PPM1E: variants seen among roughly 807,000 people sequenced by gnomAD.
PPM1E encodes the protein protein phosphatase, Mg2+/Mn2+ dependent 1E, also known as protein phosphatase 1E.
Under a neutral mutation model 65.9 loss-of-function variants are expected in PPM1E, and 20 were observed. The observed-to-expected ratio is 0.30, with a 90% CI of 0.21 to 0.44. PPM1E has a LOEUF of 0.44. Among genes scored for constraint, PPM1E ranks in the 20% least tolerant of loss-of-function variants. The probability of loss-of-function intolerance (pLI) is 1.00; values close to 1 mark genes in which losing one functional copy is unlikely to be tolerated. For synonymous variants in PPM1E, 352 were observed against 374.9 expected (o/e 0.94, Z 0.70); for missense variants, 713 against 953.1 (o/e 0.75, Z 3.32).
intron 1 of PPM1E, among the ~76,000 whole-genome samples, chr17:58,868,567 G>GGTT (rs960359003): frequency 9.3e-6 from 1 of 107,634 alleles, no homozygotes; most frequent in Non-Finnish European, 2.1e-5. Context: ...AAATGTCCAG[G>GGTT]CTTTTTTTTT....
At position 58,829,231 on chromosome 17, in the gene PPM1E, G is replaced by A. The variant is rs181456703; in HGVS notation, c.464+72770G>A. 3.0e-3 allele frequency among the ~76,000 whole-genome samples: 454 copies of A among 151,318 alleles called. 2 individuals carry two copies. Among genetic ancestry groups the A allele is most frequent in the African/African-American group, 0.011 (435 of 41,246 alleles). On this transcript the variant is annotated intron_variant, in intron 1 of 6. Transcript: ENST00000308249. ...CTAATTTTGTATATTCAGTAGAGACGGGGTTTCTCCATGTTGGTCAGGCTG... is the reference window on the plus strand; with the variant it reads ...CTAATTTTGTATATTCAGTAGAGACAGGGTTTCTCCATGTTGGTCAGGCTG...
At chr17:58,883,692 A>G (rs1321522914) in intron 1 of PPM1E, among the ~76,000 whole-genome samples, 2 of 151,140 alleles carry the variant, frequency 1.3e-5, no homozygotes, top group South Asian at 4.2e-4. Context: ...TCACTGTGTT[A>G]GCCAGGATGG....
chr17:58,917,130 A>G (rs553241246), intron 1 of PPM1E, among the ~76,000 whole-genome samples: 1 of 152,112 alleles, frequency 6.6e-6, no homozygotes, highest in South Asian at 2.1e-4. Flanking sequence ...TAATCACTTG[A>G]ACCTGGGAGG....
Position 58,984,149 on chromosome 17 carries a change from G to A in PPM1E, c.*3118G>A, listed in dbSNP as rs2031575713. ...TTGAATTATTATGATTAAAGTTACT[G>A]TTGCATTTAGGAGGCTCCTTGAAAG... On this transcript the variant is annotated 3_prime_UTR_variant, in exon 7 of 7. Coordinates refer to ENST00000308249, the MANE Select transcript of PPM1E (RefSeq NM_014906.5). 1 of 152,626 alleles carries A rather than the reference G, an allele frequency of 6.6e-6. No homozygotes were observed. The highest frequency in any genetic ancestry group is 2.1e-4 in the South Asian group (1 of 4,826). 9.5% of individuals were successfully genotyped at this position (152,626 alleles called of 1,614,324 possible). A position where few individuals can be genotyped will look rare whatever the true frequency, so the allele number is the denominator to read the frequency against.
intron 1 of PPM1E, among the ~76,000 whole-genome samples, chr17:58,889,328 C>T (rs192046987): frequency 5.9e-5 from 9 of 152,186 alleles, no homozygotes; most frequent in Admixed American, 2.6e-4. Flanking sequence ...AGGCCAGGTG[C>T]GGTGGCTCAC....
At chr17:58,855,295 G>A (rs1030757521) in intron 1 of PPM1E, among the ~76,000 whole-genome samples, 13 of 152,194 alleles carry the variant, frequency 8.5e-5, no homozygotes, top group Non-Finnish European at 1.6e-4. Flanking sequence ...ACTGACCTGG[G>A]ATAAGCTGCA....
chr17:58,841,949 C>T (rs764293574), intron 1 of PPM1E, among the ~76,000 whole-genome samples: 9 of 152,208 alleles, frequency 5.9e-5, no homozygotes, highest in African/African-American at 9.6e-5. Flanking sequence ...CCTCGTGATC[C>T]GCCCTCCTTG....
chr17:58,958,439 G>A (rs1250563569), intron 2 of PPM1E, among the ~76,000 whole-genome samples: 1 of 151,786 alleles, frequency 6.6e-6, no homozygotes, highest in Admixed American at 6.6e-5. Flanking sequence ...TTGAACTCCT[G>A]GGCTCAAGTG....
chr17:58,932,298 G>A (rs967890401), intron 1 of PPM1E, among the ~76,000 whole-genome samples: 5 of 151,932 alleles, frequency 3.3e-5, no homozygotes, highest in Admixed American at 6.6e-5. Flanking sequence ...GTGAAACCTC[G>A]TCTCTACTAA....
chr17:58,967,189 C>T (rs1002130196), intron 3 of PPM1E, among the ~76,000 whole-genome samples: 4 of 152,130 alleles, frequency 2.6e-5, no homozygotes, highest in African/African-American at 7.2e-5. Flanking sequence ...AATAAATTTT[C>T]ACACTCTTTG....
intron 1 of PPM1E, among the ~76,000 whole-genome samples, chr17:58,813,057 G>T (rs1243805595): frequency 6.6e-6 from 1 of 152,156 alleles, no homozygotes; most frequent in Admixed American, 6.5e-5. Flanking sequence ...AGTGAGAGAT[G>T]AGGGAAATAT....
intron 1 of PPM1E, among the ~76,000 whole-genome samples, chr17:58,906,530 G>T (rs1190341755): frequency 6.6e-6 from 1 of 151,988 alleles, no homozygotes; most frequent in Non-Finnish European, 1.5e-5. Context: ...TATAGACAGG[G>T]TTTTGCCATG....
rs1178006484 is a variant in PPM1E, at chr17:58,756,088, C to T, written c.91C>T (p.Pro31Ser). The change falls in exon 1 of 7, where the codon CCG (proline) becomes TCG (serine). Residue 31 changes from proline (P) to serine (S), a missense_variant. Coordinates refer to ENST00000308249, the MANE Select transcript of PPM1E (RefSeq NM_014906.5). ...EFRGPCGGGE[P>S]EPEPEPEPEP... ...TCGCGGACCGTGCGGCGGCGGCGAG[C>T]CGGAGCCGGAACCCGAACCCGAACC... 6.3e-7 allele frequency: 1 copy of T among 1,598,464 alleles called. No individual in the cohort carries two copies. The highest frequency in any genetic ancestry group is 8.5e-7 in the Non-Finnish European group (1 of 1,175,204).
At chr17:58,770,943 G>A (rs879516980) in intron 1 of PPM1E, among the ~76,000 whole-genome samples, 6 of 150,822 alleles carry the variant, frequency 4.0e-5, no homozygotes, top group South Asian at 2.1e-4. Flanking sequence ...TGCAGCCTCC[G>A]CCTCCTGGGT....
Position 58,772,638 on chromosome 17 carries a change from G to C in PPM1E, c.464+16177G>C, listed in dbSNP as rs574375500. ...ACCAGAGACATTACCATGTGCAAAG[G>C]CATGGAGATGAGAAAGCATAGCACA... On this transcript the variant is annotated intron_variant, in intron 1 of 6. Coordinates refer to ENST00000308249, the MANE Select transcript of PPM1E (RefSeq NM_014906.5). Among the ~76,000 whole-genome samples the C allele has an allele frequency of 1.3e-5, 2 of 152,170 alleles. 1 individual carries two copies. The highest frequency in any genetic ancestry group is 4.1e-4 in the South Asian group (2 of 4,822).
chr17:58,924,832 G>C (rs1475109954), intron 1 of PPM1E, among the ~76,000 whole-genome samples: 1 of 150,518 alleles, frequency 6.6e-6, no homozygotes, highest in Admixed American at 6.7e-5. Context: ...GCAGTATTTG[G>C]TTTTCTGTTA....
chr17:58,847,738 T>A (rs2050786258), intron 1 of PPM1E, among the ~76,000 whole-genome samples: 1 of 152,214 alleles, frequency 6.6e-6, no homozygotes, highest in Non-Finnish European at 1.5e-5. Context: ...GGCTTAGGAT[T>A]GTCTTGGCAA....
chr17:58,924,349 C>A (rs749236184), intron 1 of PPM1E, among the ~76,000 whole-genome samples: 1 of 152,072 alleles, frequency 6.6e-6, no homozygotes, highest in African/African-American at 2.4e-5. Context: ...CCAAATTTTT[C>A]TTTAAAATTA....
intron 1 of PPM1E, among the ~76,000 whole-genome samples, chr17:58,805,697 A>C (rs1218996840): frequency 1.3e-5 from 2 of 152,106 alleles, no homozygotes; most frequent in East Asian, 3.8e-4. Flanking sequence ...AATACCCCTG[A>C]ATGGAAAGAA....
Sources: allele counts gnomAD v4.1 joint callset (sites outside exome capture counted in the v4.1 genomes callset), GRCh38; gene constraint gnomAD v4.1.1; transcripts MANE v1.5; gene names NCBI Gene and HGNC (gene_info 2026-07-23, HGNC 2026-07-21).